Variants in SLC10A7 observed in about 807,000 individuals in gnomAD.
SLC10A7 encodes sodium/bile acid cotransporter 7.
In SLC10A7, 29 loss-of-function variants were observed where a neutral mutation model predicts 43.2. The ratio of observed to expected loss-of-function variants is 0.67; its 90% CI spans 0.50 to 0.92. The LOEUF (loss-of-function observed/expected upper bound fraction) is 0.92, where lower values mean the gene tolerates loss of function less well. Among genes scored for constraint, SLC10A7 ranks in the 40% least tolerant of loss-of-function variants. The pLI is 0.00. For synonymous variants in SLC10A7, 152 were observed against 144.8 expected (o/e 1.05, Z -0.35); for missense variants, 295 against 403.2 (o/e 0.73, Z 2.30).
intron 2 of SLC10A7, 32 bp from the exon 3 acceptor site, chr4:146,510,081 G>A: frequency 1.3e-6 from 2 of 1,570,868 alleles, no homozygotes; most frequent in African/African-American, 1.4e-5. Context: ...AATAAACAAA[G>A]GTAAGAAAAC....
At chr4:146,456,000 A>G (rs1732018871) in intron 4 of SLC10A7, among the ~76,000 whole-genome samples, 2 of 151,836 alleles carry the variant, frequency 1.3e-5, no homozygotes, top group Admixed American at 6.6e-5. Flanking sequence ...CCAATTTGTA[A>G]TATGTGCTGA....
intron 4 of SLC10A7, among the ~76,000 whole-genome samples, chr4:146,490,885 C>T (rs914003177): frequency 6.6e-6 from 1 of 152,198 alleles, no homozygotes; most frequent in Non-Finnish European, 1.5e-5. Flanking sequence ...CTGGATCATT[C>T]TCCAGCTTCC....
In SLC10A7 at chr4:146,340,202, C is replaced by G. The variant is rs1003381255; in HGVS notation, c.436-14206G>C. Reference sequence around the variant, plus strand: ...TAGAGATGCATCCTAGACTCTGAATCTCTCTAAGGCAGTGCTCTCCAAAGC... The same window carrying G: ...TAGAGATGCATCCTAGACTCTGAATGTCTCTAAGGCAGTGCTCTCCAAAGC... On this transcript the variant is annotated intron_variant, in intron 5 of 11. Coordinates refer to ENST00000335472, the MANE Select transcript of SLC10A7 (RefSeq NM_001029998.6). Among the ~76,000 whole-genome samples, 5 of 151,748 alleles carry G rather than the reference C, an allele frequency of 3.3e-5. No homozygotes were observed. In the East Asian group the frequency reaches 9.6e-4, roughly 29 times the overall value.
At chr4:146,392,523 A>G (rs546043783) in intron 5 of SLC10A7, among the ~76,000 whole-genome samples, 2 of 152,064 alleles carry the variant, frequency 1.3e-5, no homozygotes, top group Non-Finnish European at 1.5e-5. Flanking sequence ...ACACACACTC[A>G]CTCATACTCA....
At chr4:146,315,827 C>G (rs1732287946) in intron 6 of SLC10A7, among the ~76,000 whole-genome samples, 2 of 152,082 alleles carry the variant, frequency 1.3e-5, no homozygotes, top group Non-Finnish European at 2.9e-5. Context: ...ATTTATTTTT[C>G]ATAGCAAATA....
chr4:146,504,446 G>A (rs1317055918), intron 3 of SLC10A7, among the ~76,000 whole-genome samples: 1 of 151,066 alleles, frequency 6.6e-6, no homozygotes, highest in Admixed American at 6.6e-5. Context: ...GTGAACCTGG[G>A]AGGCAGAGTT....
intron 4 of SLC10A7, among the ~76,000 whole-genome samples, chr4:146,463,989 AT>A (rs1001918358): frequency 5.3e-5 from 8 of 150,782 alleles, no homozygotes; most frequent in South Asian, 4.2e-4. Context: ...TACCTAGCTA[AT>A]TTTTTTTTAT....
chr4:146,471,978 AC>A (rs908810514), intron 4 of SLC10A7, among the ~76,000 whole-genome samples: 8 of 151,600 alleles, frequency 5.3e-5, no homozygotes, highest in African/African-American at 9.7e-5. Flanking sequence ...TGTTCTCCAT[AC>A]CCCCCCACTC....
At chr4:146,301,554 A>T (rs1198854417) in intron 7 of SLC10A7, among the ~76,000 whole-genome samples, 2 of 152,174 alleles carry the variant, frequency 1.3e-5, no homozygotes, top group African/African-American at 4.8e-5. Flanking sequence ...TGGGAATTGG[A>T]AGAGACTCAC....
chr4:146,420,230 C>T (rs1197104023), intron 5 of SLC10A7, among the ~76,000 whole-genome samples: 2 of 152,224 alleles, frequency 1.3e-5, no homozygotes, highest in Non-Finnish European at 2.9e-5. Flanking sequence ...ATCACTAATA[C>T]ATATCAAATG....
rs770380409 is a variant in SLC10A7 at position 146,521,731 on chromosome 4, G to A, written c.-14C>T. Reference sequence around the variant, plus strand: ...CAGCAGCCTCATATTTGTTAGGGTGGGTGGGTTTTGTTTATTTGTTTGGCT... The same window carrying A: ...CAGCAGCCTCATATTTGTTAGGGTGAGTGGGTTTTGTTTATTTGTTTGGCT... On this transcript the variant is annotated 5_prime_UTR_variant, in exon 1 of 12. Transcript: ENST00000335472. 1.2e-6 allele frequency: 2 copies of A among 1,607,988 alleles called. No homozygotes were observed. Among genetic ancestry groups the A allele is most frequent in the South Asian group, 2.2e-5 (2 of 90,928 alleles).
At chr4:146,340,790 T>A (rs1229945882) in intron 5 of SLC10A7, among the ~76,000 whole-genome samples, 4 of 151,938 alleles carry the variant, frequency 2.6e-5, no homozygotes, top group Admixed American at 6.6e-5. Context: ...TGTACATATA[T>A]TCATATCAGA....
rs148034042 is a variant in SLC10A7, at chr4:146,403,862, A to G, written c.435+38921T>C. Among the ~76,000 whole-genome samples, 234 of 152,290 alleles carry G rather than the reference A, an allele frequency of 1.5e-3. 2 individuals are homozygous for G. The highest frequency in any genetic ancestry group is 5.3e-3 in the African/African-American group (219 of 41,568). ...AGGAGTAAGAATAGCTATTGTGAGG[A>G]AAGAATACAGTACATGCAAAGTGTG... On this transcript the variant is annotated intron_variant, in intron 5 of 11. Transcript: ENST00000335472.
intron 5 of SLC10A7, among the ~76,000 whole-genome samples, chr4:146,335,103 AGAT>A (rs1026956035): frequency 1.1e-4 from 17 of 151,948 alleles, no homozygotes; most frequent in African/African-American, 4.1e-4. Flanking sequence ...TGTCAGGAGA[AGAT>A]GATGTCAGTG....
chr4:146,503,948 C>T, intron 3 of SLC10A7, 24 bp from the exon 4 acceptor site: 2 of 1,602,298 alleles, frequency 1.2e-6, no homozygotes, highest in Middle Eastern at 1.7e-4. Context: ...GAAAATCCAA[C>T]TATAAATAAT....
At chr4:146,284,051 T>C (rs961794680) in intron 9 of SLC10A7, among the ~76,000 whole-genome samples, 1 of 152,194 alleles carries the variant, frequency 6.6e-6, no homozygotes, top group Non-Finnish European at 1.5e-5. Context: ...TTGGATGTCA[T>C]AATCAGATTT....
chr4:146,258,728 C>T lies in SLC10A7; in HGVS notation c.957G>A (p.Val319=), dbSNP rs754697754. ...ATACCATCCAAGACTTGATTGTTGG[C>T]ACCAACACACTTCCCAGAAGGATCT... ...PAQILLGSVL[V]PTIKSWMVSR... is the part of the protein sequence containing the mutation. The change falls in exon 11 of 12, where the codon GTG becomes GTA. Residue 319 remains valine (V), a synonymous_variant. Transcript: ENST00000335472. 3.1e-6 allele frequency: 5 copies of T among 1,606,002 alleles called. No individual in the cohort carries two copies. The Admixed American group carries it at 7.0e-5, about 22-fold the overall frequency.
chr4:146,475,742 AT>A (rs1223826517), intron 4 of SLC10A7, among the ~76,000 whole-genome samples: 5 of 152,244 alleles, frequency 3.3e-5, no homozygotes, highest in South Asian at 2.1e-4. Context: ...AGTAAAAAAA[AT>A]AAATACCTCA....
Position 146,507,417 on chromosome 4 carries a change from G to A in SLC10A7, c.320+2496C>T, listed in dbSNP as rs181329338. The stretch of plus-strand genomic sequence containing the variant: ...TCTACTAAAAATACAAAAATTAGCC[G>A]GGCATGGTGGCGGGCACCTGTAATC... On this transcript the variant is annotated intron_variant, in intron 3 of 11. Transcript: ENST00000335472. 5.9e-5 allele frequency among the ~76,000 whole-genome samples: 9 copies of A among 152,046 alleles called. No homozygotes were observed. The East Asian group carries it at 9.7e-4, about 16-fold the overall frequency.
Sources: allele counts gnomAD v4.1 joint callset (sites outside exome capture counted in the v4.1 genomes callset), GRCh38; gene constraint gnomAD v4.1.1; transcripts MANE v1.5; gene names NCBI Gene and HGNC (gene_info 2026-07-23, HGNC 2026-07-21).